PIP5K1B: variants seen among roughly 807,000 people sequenced by gnomAD.
The protein encoded by PIP5K1B is phosphatidylinositol 4-phosphate 5-kinase type-1 beta.
PIP5K1B carries 42 observed loss-of-function variants against 67.0 expected under a neutral mutation model. The ratio of observed to expected loss-of-function variants is 0.63; its 90% CI spans 0.49 to 0.81. PIP5K1B has a LOEUF of 0.81. Ranked by LOEUF, PIP5K1B falls within the 30% of genes least tolerant of loss-of-function variation. The pLI is 0.00. For synonymous variants in PIP5K1B, 214 were observed against 231.4 expected, an observed-to-expected ratio of 0.92 and a Z score of 0.68; for missense variants, 459 against 646.3, an observed-to-expected ratio of 0.71 and a Z score of 3.14.
In PIP5K1B at chr9:68,742,502, T is replaced by C. The variant is rs1829061981; in HGVS notation, c.-241T>C. 6.6e-6 allele frequency: 1 copy of C among 152,154 alleles called. No homozygotes were observed. The highest frequency in any genetic ancestry group is 1.5e-5 in the Non-Finnish European group (1 of 68,034). 9.4% of individuals were successfully genotyped at this position (152,154 alleles called of 1,614,324 possible). On this transcript the variant is annotated splice_region_variant and 5_prime_UTR_variant, in exon 2 of 16. The change abolishes an upstream ATG in the 5' untranslated region. Coordinates refer to ENST00000265382, the MANE Select transcript of PIP5K1B (RefSeq NM_003558.4). ...GGCATTATTATTTCCATTTTACAGA[T>C]GAGGAAGCCAAGGCCCAGCAGAGCT...
At chr9:68,799,863 A>G (rs1832505228) in intron 2 of PIP5K1B, among the ~76,000 whole-genome samples, 1 of 152,228 alleles carries the variant, frequency 6.6e-6, no homozygotes, top group African/African-American at 2.4e-5. Flanking sequence ...ATCACAGGCA[A>G]CAAGAGCAAA....
intron 2 of PIP5K1B, among the ~76,000 whole-genome samples, chr9:68,751,049 T>C (rs1829604260): frequency 6.6e-6 from 1 of 152,188 alleles, no homozygotes; most frequent in South Asian, 2.1e-4. Context: ...GGGAATTCTT[T>C]ATAGAAACGG....
chr9:68,962,278 T>C (rs528683358), intron 14 of PIP5K1B, among the ~76,000 whole-genome samples: 110 of 152,304 alleles, frequency 7.2e-4, no homozygotes, highest in African/African-American at 2.6e-3. Flanking sequence ...TCAAAAGATT[T>C]GAGCACATTT....
intron 13 of PIP5K1B, 97 bp from the exon 14 acceptor site, chr9:68,940,549 G>A: frequency 8.6e-7 from 1 of 1,165,694 alleles, no homozygotes; most frequent in Non-Finnish European, 1.2e-6. Context: ...AGCCTGATAG[G>A]TAAAATGAAT....
rs575444097 is a variant in PIP5K1B, at chr9:68,809,934, C to T, written c.-85-8527C>T. Among the ~76,000 whole-genome samples, 65 of 152,266 alleles carry T rather than the reference C, an allele frequency of 4.3e-4. 1 individual carries two copies. The highest frequency in any genetic ancestry group is 1.4e-3 in the African/African-American group (59 of 41,546). ...GTACCTGTCCTTGTCATTATGGCCC[C>T]GGGCCTAGCTTACTGCCTGACATGT... On this transcript the variant is annotated intron_variant, in intron 2 of 15. Transcript: ENST00000265382.
intron 5 of PIP5K1B, among the ~76,000 whole-genome samples, chr9:68,870,375 C>T (rs1465672006): frequency 6.6e-5 from 10 of 152,200 alleles, no homozygotes; most frequent in Non-Finnish European, 1.3e-4. Context: ...GTGTACCCAT[C>T]ACAGAACTGC....
chr9:68,810,421 C>T (rs945654170), intron 2 of PIP5K1B, among the ~76,000 whole-genome samples: 3 of 152,218 alleles, frequency 2.0e-5, no homozygotes, highest in Non-Finnish European at 4.4e-5. Flanking sequence ...TCCCAGCGTT[C>T]TTCCAATTCA....
At chr9:68,880,616 C>T (rs1033257168) in intron 6 of PIP5K1B, among the ~76,000 whole-genome samples, 11 of 88,166 alleles carry the variant, frequency 1.2e-4, no homozygotes, top group African/African-American at 2.1e-4. Context: ...CACACACACA[C>T]GCATACACAC....
chr9:68,868,015 G>T (rs996703143), intron 5 of PIP5K1B, among the ~76,000 whole-genome samples: 1 of 152,044 alleles, frequency 6.6e-6, no homozygotes, highest in Non-Finnish European at 1.5e-5. Context: ...TACATAATTT[G>T]TCCTATGAAT....
intron 4 of PIP5K1B, among the ~76,000 whole-genome samples, chr9:68,860,658 C>T (rs905402049): frequency 1.9e-4 from 29 of 152,204 alleles, no homozygotes; most frequent in African/African-American, 6.5e-4. Flanking sequence ...GGCAGTCAGA[C>T]TCCACCACAT....
intron 2 of PIP5K1B, among the ~76,000 whole-genome samples, chr9:68,807,046 A>C (rs1832909940): frequency 6.6e-6 from 1 of 151,920 alleles, no homozygotes; most frequent in Non-Finnish European, 1.5e-5. Context: ...AGGCAAAGCC[A>C]AGTAAAAGTA....
chr9:68,940,088 G>A (rs1318489223), intron 13 of PIP5K1B, among the ~76,000 whole-genome samples: 3 of 152,212 alleles, frequency 2.0e-5, no homozygotes, highest in East Asian at 3.8e-4. Context: ...CAGCTTTGCT[G>A]TTAAAATATG....
At chr9:68,949,372 A>G (rs1399400400) in intron 14 of PIP5K1B, among the ~76,000 whole-genome samples, 1 of 152,198 alleles carries the variant, frequency 6.6e-6, no homozygotes, top group Non-Finnish European at 1.5e-5. Context: ...TCCTTAAGAA[A>G]TTCTTACCCA....
At chr9:68,985,906 T>G (rs536631754) in intron 14 of PIP5K1B, among the ~76,000 whole-genome samples, 1 of 152,374 alleles carries the variant, frequency 6.6e-6, no homozygotes, top group South Asian at 2.1e-4. Flanking sequence ...TGGCATAATG[T>G]TTTCAAGGTT....
chr9:68,821,178 C>T (rs1178340792), intron 3 of PIP5K1B, among the ~76,000 whole-genome samples: 3 of 152,090 alleles, frequency 2.0e-5, no homozygotes, highest in African/African-American at 7.2e-5. Flanking sequence ...ATTGTCTGAG[C>T]CTGGGAGGTC....
chr9:68,789,356 C>G, intron 2 of PIP5K1B: 1 of 387,096 alleles, frequency 2.6e-6, no homozygotes, highest in Non-Finnish European at 5.0e-6. Flanking sequence ...ATCACAATCA[C>G]ATTGTCCTTC....
intron 14 of PIP5K1B, among the ~76,000 whole-genome samples, chr9:68,976,938 C>T (rs1829658031): frequency 6.6e-6 from 1 of 152,164 alleles, no homozygotes; most frequent in African/African-American, 2.4e-5. Flanking sequence ...TCAAAAGGTC[C>T]CAATTCCTGT....
At chr9:68,991,283 C>T (rs758339385) in intron 15 of PIP5K1B, 26 bp downstream of exon 15, 1 of 1,218,820 alleles carries the variant, frequency 8.2e-7, no homozygotes, top group Non-Finnish European at 1.2e-6. Flanking sequence ...GTTTCCTCTC[C>T]TCCACTTCTG....
rs532205252 is a variant in PIP5K1B, at chr9:68,795,089, A to T, written c.-85-23372A>T. On this transcript the variant is annotated intron_variant, in intron 2 of 15. Coordinates refer to ENST00000265382, the MANE Select transcript of PIP5K1B (RefSeq NM_003558.4). ...TCTGATCCTTCCGGCTCTAGGTAGT[A>T]TTGGTTTTCCTCTGAATCAGTGTAC... 1.9e-4 allele frequency among the ~76,000 whole-genome samples: 29 copies of T among 152,146 alleles called. No individual in the cohort carries two copies. The South Asian group carries it at 6.0e-3, about 32-fold the overall frequency.
Sources: gnomAD v4.1 joint callset for allele counts (sites outside exome capture counted in the v4.1 genomes callset) on GRCh38, gnomAD v4.1.1 for gene constraint, MANE v1.5 for transcripts, NCBI Gene and HGNC (gene_info 2026-07-23, HGNC 2026-07-21) for gene names.